Variants in RNF14 observed in about 807,000 individuals in gnomAD.
RNF14 encodes the protein ring finger protein 14.
RNF14 carries 26 observed loss-of-function variants against 52.6 expected under a neutral mutation model. The ratio of observed to expected loss-of-function variants is 0.49; its 90% CI spans 0.36 to 0.69. The LOEUF (loss-of-function observed/expected upper bound fraction) is 0.69, where lower values mean the gene tolerates loss of function less well. Among genes scored for constraint, RNF14 ranks in the 30% least tolerant of loss-of-function variants. RNF14 has a pLI of 0.00. For missense variants in RNF14, 404 were observed against 560.4 expected (o/e 0.72, Z 2.82); for synonymous variants, 194 against 202.0 (o/e 0.96, Z 0.34).
In RNF14 at chr5:141,974,844, C is replaced by T; in HGVS notation, c.195C>T (p.Tyr65=). ...NECLQNSGFE[Y]TICFLPPLVL... is the part of the protein sequence containing the mutation. ...GTCTCCAGAATAGTGGCTTTGAATA[C>T]ACCATTTGCTTTCTGCCTCCACTTG... is the stretch of plus-strand genomic sequence containing the variant. The change falls in exon 4 of 9, where the codon TAC becomes TAT. Residue 65 remains tyrosine, a synonymous_variant. Transcript: ENST00000394520. 1.2e-6 allele frequency: 2 copies of T among 1,614,038 alleles called. No individual in the cohort carries two copies. The highest frequency in any genetic ancestry group is 3.3e-5 in the Admixed American group (2 of 60,000).
At chr5:141,954,389 TG>T (rs1753140686), upstream of RNF14, among the ~76,000 whole-genome samples, 1 of 152,190 alleles carries the variant, frequency 6.6e-6, no homozygotes, top group Non-Finnish European at 1.5e-5. Context: ...GATGGAGAAG[TG>T]CTTTGAGGAA....
chr5:141,980,224 G>A lies in RNF14; in HGVS notation c.936G>A (p.Pro312=), dbSNP rs141694109. 1.9e-4 allele frequency: 299 copies of A among 1,614,090 alleles called. No individual in the cohort carries two copies. Among genetic ancestry groups the A allele is most frequent in the Non-Finnish European group, 2.3e-4 (273 of 1,180,048 alleles). ...LMADVVYCPR[P]CCQLPVMQEP... is the part of the protein sequence containing the mutation. ...CAGATGTGGTGTACTGCCCCCGGCC[G>A]TGCTGCCAGCTGCCTGTGATGCAGG... Residue 312 remains proline (P), a synonymous_variant, in exon 6 of 9, where the codon CCG becomes CCA. Transcript: ENST00000394520.
At chr5:141,976,445 A>C (rs1013056717) in intron 4 of RNF14, among the ~76,000 whole-genome samples, 5 of 152,142 alleles carry the variant, frequency 3.3e-5, no homozygotes, top group African/African-American at 1.2e-4. Context: ...TGGGGAAGAG[A>C]GTTGTTTTAT....
chr5:141,951,423 C>T, the RNF14 span: 1 of 1,154,418 alleles, frequency 8.7e-7, no homozygotes. Context: ...TCCTCACTCA[C>T]AGAGGCTGCA....
At chr5:141,979,883 C>T (rs913991967) in intron 5 of RNF14, among the ~76,000 whole-genome samples, 4 of 152,144 alleles carry the variant, frequency 2.6e-5, no homozygotes, top group African/African-American at 4.8e-5. Context: ...GAGTAAGACC[C>T]CATCTCTAAA....
rs934357625 is a variant in RNF14, at chr5:141,970,756, A to C, written c.-128A>C. 6.6e-6 allele frequency: 1 copy of C among 152,316 alleles called. No homozygotes were observed. Among genetic ancestry groups the C allele is most frequent in the Non-Finnish European group, 1.5e-5 (1 of 68,040 alleles). The allele number at this position is 152,316 out of a possible 1,614,324, so 9.4% of individuals were successfully genotyped here. A position where few individuals can be genotyped will look rare whatever the true frequency, so the allele number is the denominator to read the frequency against. On this transcript the variant is annotated 5_prime_UTR_variant, in exon 2 of 9. Coordinates refer to ENST00000394520, the MANE Select transcript of RNF14 (RefSeq NM_004290.5). Reference sequence around the variant, plus strand: ...TATGAGTTCCACATCTTGGCCTCTTACCCAGCTTCAGCAGTCTCAGCTCCA... The same window carrying C: ...TATGAGTTCCACATCTTGGCCTCTTCCCCAGCTTCAGCAGTCTCAGCTCCA...
In RNF14 at chr5:141,983,360, T is replaced by C. The variant is rs776257634; in HGVS notation, c.1064-20T>C. 7 of 1,598,094 alleles carry C rather than the reference T, an allele frequency of 4.4e-6. No individual in the cohort carries two copies. The highest frequency in any genetic ancestry group is 6.0e-6 in the Non-Finnish European group (7 of 1,171,762). On this transcript the variant is annotated intron_variant, in intron 6 of 8. Transcript: ENST00000394520. ...CATTACAAAGTTATATAAAAGTTAA[T>C]TTTCCATTTCACTTTGTAGAGAAAT...
chr5:141,955,273 C>T (rs143534629), upstream of RNF14: 1,434 of 1,614,150 alleles, frequency 8.9e-4, 6 homozygotes, highest in Middle Eastern at 4.0e-3. This position sits in a 1 kb window ranked among gnomAD's most constrained non-coding sequence, Gnocchi z 5.5. Flanking sequence ...CAGGTTCTCC[C>T]GGGAGGCATT....
At chr5:141,956,608 T>C (rs972128196), upstream of RNF14, 4 of 1,614,156 alleles carry the variant, frequency 2.5e-6, no homozygotes, top group South Asian at 1.1e-5. Flanking sequence ...CAGTGTGGCA[T>C]TGGTTAGCAA....
intron 4 of RNF14, among the ~76,000 whole-genome samples, chr5:141,976,259 T>G (rs1382249613): frequency 6.6e-6 from 1 of 152,232 alleles, no homozygotes; most frequent in African/African-American, 2.4e-5. Context: ...TAGATCTTCA[T>G]AGTCCTATTT....
chr5:141,983,602 A>G (rs1754974368), intron 7 of RNF14, 50 bp downstream of exon 7: 2 of 1,276,738 alleles, frequency 1.6e-6, no homozygotes, highest in East Asian at 4.6e-5. Flanking sequence ...CAAGGATGTT[A>G]TGATTACCTT....
intron 3 of RNF14, 103 bp downstream of exon 3, chr5:141,973,845 T>C: frequency 1.0e-6 from 1 of 996,524 alleles, no homozygotes; most frequent in Non-Finnish European, 1.4e-6. Flanking sequence ...TGATAGGTGG[T>C]AGTATTACAG....
upstream of RNF14, chr5:141,955,898 G>A (rs1561536260): frequency 6.2e-7 from 1 of 1,614,200 alleles, no homozygotes; most frequent in Non-Finnish European, 8.5e-7. The surrounding 1 kb of genome is among the most constrained non-coding windows in gnomAD (Gnocchi z 5.5). Context: ...TGCCCCGTAT[G>A]AGGGTTGAGG....
chr5:141,957,842 G>T, upstream of RNF14: 1 of 1,598,596 alleles, frequency 6.3e-7, no homozygotes, highest in East Asian at 2.2e-5. This position sits in a 1 kb window ranked among gnomAD's most constrained non-coding sequence, Gnocchi z 4.3. Context: ...AGTTGCAGAA[G>T]TTGCATCATG....
At chr5:141,976,426 G>A (rs941041538) in intron 4 of RNF14, among the ~76,000 whole-genome samples, 3 of 152,202 alleles carry the variant, frequency 2.0e-5, no homozygotes. Context: ...TGGGGGCGGA[G>A]GTGTGTGCTG....
At chr5:141,976,854 T>A (rs1474988564) in intron 4 of RNF14, among the ~76,000 whole-genome samples, 1 of 143,346 alleles carries the variant, frequency 7.0e-6, no homozygotes, top group Non-Finnish European at 1.5e-5. Context: ...AGGGGCACAA[T>A]CTCAGCTCAC....
intron 8 of RNF14, among the ~76,000 whole-genome samples, chr5:141,986,432 T>C (rs1055472234): frequency 1.3e-5 from 2 of 152,240 alleles, no homozygotes; most frequent in African/African-American, 2.4e-5. Flanking sequence ...ACTGTGAAGA[T>C]AGAATGGAGT....
chr5:141,986,063 T>C lies in RNF14; in HGVS notation c.1367+1130T>C, dbSNP rs564338033. ...GATGTGTATTCCGTATTGGATCACA[T>C]CAAGAGGTCCATGATGTCCCTCATT... On this transcript the variant is annotated intron_variant, in intron 8 of 8. Transcript: ENST00000394520. Among the ~76,000 whole-genome samples the C allele has an allele frequency of 1.4e-4, 22 of 152,346 alleles. 1 individual carries two copies. The South Asian group carries it at 4.4e-3, about 30-fold the overall frequency.
At chr5:141,959,147 A>C (rs1753231896) in intron 1 of RNF14, 1 of 150,138 alleles carries the variant, frequency 6.7e-6, no homozygotes, top group East Asian at 2.0e-4. Context: ...CCAGCCTCCC[A>C]CTCCTCTTGG....
Sources: gnomAD v4.1 joint callset for allele counts (sites outside exome capture counted in the v4.1 genomes callset) on GRCh38, gnomAD v4.1.1 for gene constraint, Gnocchi (gnomAD v3.1) non-coding constraint, MANE v1.5 for transcripts, NCBI Gene and HGNC (gene_info 2026-07-23, HGNC 2026-07-21) for gene names.